The following BMAL1 variants were observed in gnomAD, a reference collection of about 807,000 sequenced individuals.
The protein encoded by BMAL1 is basic helix-loop-helix ARNT like 1.
the BMAL1 span, among the ~76,000 whole-genome samples, chr11:13,352,936 G>T: frequency 6.6e-6 from 1 of 152,214 alleles, no homozygotes; most frequent in Non-Finnish European, 1.5e-5. Flanking sequence ...TGGAGTCAGA[G>T]TCCCTTGCAA....
chr11:13,360,258 C>T, the BMAL1 span: 1 of 1,162,194 alleles, frequency 8.6e-7, no homozygotes. Context: ...GAGACTAGGC[C>T]ACTTACAGAA....
chr11:13,315,789 C>T, the BMAL1 span, among the ~76,000 whole-genome samples: 1 of 152,178 alleles, frequency 6.6e-6, no homozygotes, highest in Non-Finnish European at 1.5e-5. Context: ...GGTGCGCAGC[C>T]TGGAGTTGAC....
At chr11:13,365,158 G>A in the BMAL1 span, among the ~76,000 whole-genome samples, 1 of 152,080 alleles carries the variant, frequency 6.6e-6, no homozygotes, top group African/African-American at 2.4e-5. Context: ...TATTATTAGA[G>A]CAATGAAATA....
At chr11:13,360,933 T>C in the BMAL1 span, among the ~76,000 whole-genome samples, 1 of 152,134 alleles carries the variant, frequency 6.6e-6, no homozygotes, top group African/African-American at 2.4e-5. Flanking sequence ...ATGGCCAACA[T>C]GTTGAAACCC....
the BMAL1 span, among the ~76,000 whole-genome samples, chr11:13,365,083 GTTGGAGAGGGGATTC>G: frequency 0.011 from 1,675 of 152,278 alleles, 36 homozygotes; most frequent in African/African-American, 0.039. Context: ...TGGCTGAGAT[GTTGGAGAGGGGATTC>G]TTGAAGAGTC....
At chr11:13,299,881 G>T in the BMAL1 span, among the ~76,000 whole-genome samples, 1 of 152,198 alleles carries the variant, frequency 6.6e-6, no homozygotes, top group African/African-American at 2.4e-5. Context: ...TCAGAGACTT[G>T]AGGAGAGCTG....
At chr11:13,386,827 A>G in the BMAL1 span, 2 of 1,551,734 alleles carry the variant, frequency 1.3e-6, no homozygotes, top group Non-Finnish European at 1.8e-6. Flanking sequence ...CAGTCTGTGA[A>G]GCTTACTGGA....
chr11:13,347,621 C>G, the BMAL1 span, among the ~76,000 whole-genome samples: 3 of 151,774 alleles, frequency 2.0e-5, no homozygotes, highest in African/African-American at 7.3e-5. Context: ...CCGAGATGGG[C>G]GGATTGCTTG....
At chr11:13,278,643 C>G in the BMAL1 span, among the ~76,000 whole-genome samples, 2 of 152,182 alleles carry the variant, frequency 1.3e-5, no homozygotes, top group African/African-American at 2.4e-5. Context: ...GGGCCTGTGC[C>G]GTCCAGGTCC....
the BMAL1 span, among the ~76,000 whole-genome samples, chr11:13,383,695 CA>C: frequency 1.3e-5 from 2 of 151,460 alleles, no homozygotes; most frequent in South Asian, 4.2e-4. Context: ...CTAAAAAATA[CA>C]AAAAAAATTA....
the BMAL1 span, among the ~76,000 whole-genome samples, chr11:13,292,054 G>T: frequency 6.6e-6 from 1 of 152,180 alleles, no homozygotes; most frequent in Non-Finnish European, 1.5e-5. Flanking sequence ...ACTGCTAAAA[G>T]AAGAGCTCTG....
chr11:13,284,198 G>GTATA, the BMAL1 span, among the ~76,000 whole-genome samples: 6 of 71,842 alleles, frequency 8.4e-5, 1 homozygote, highest in African/African-American at 5.5e-4. Flanking sequence ...ATATATGTGT[G>GTATA]TATATATATA....
chr11:13,349,974 G>T, the BMAL1 span: 4 of 152,178 alleles, frequency 2.6e-5, no homozygotes, highest in African/African-American at 9.7e-5. Flanking sequence ...CGCCTGAAAA[G>T]AAATTATAAA....
chr11:13,355,738 G>A, the BMAL1 span, among the ~76,000 whole-genome samples: 12 of 152,180 alleles, frequency 7.9e-5, no homozygotes, highest in African/African-American at 2.2e-4. Flanking sequence ...TGCGGCCTGC[G>A]TGATCTCTGA....
the BMAL1 span, among the ~76,000 whole-genome samples, chr11:13,327,677 G>A: frequency 1.3e-5 from 2 of 152,140 alleles, no homozygotes; most frequent in Non-Finnish European, 2.9e-5. Context: ...TACCATCATC[G>A]TGTTTACTGT....
the BMAL1 span, among the ~76,000 whole-genome samples, chr11:13,374,671 A>T: frequency 6.6e-6 from 1 of 152,130 alleles, no homozygotes; most frequent in Non-Finnish European, 1.5e-5. Flanking sequence ...CACCTCTGCC[A>T]TCACCCTGGT....
At chr11:13,369,786 A>G in the BMAL1 span, 2 of 1,602,864 alleles carry the variant, frequency 1.2e-6, no homozygotes, top group South Asian at 2.2e-5. Flanking sequence ...TTAACAGTCC[A>G]TTAAAACCCT....
the BMAL1 span, chr11:13,354,198 C>A: frequency 1.4e-6 from 1 of 697,430 alleles, no homozygotes; most frequent in African/African-American, 1.9e-5. Flanking sequence ...TCTCCCCCCC[C>A]GGCCCCCCAC....
the BMAL1 span, among the ~76,000 whole-genome samples, chr11:13,324,340 C>T: frequency 1.3e-5 from 2 of 152,044 alleles, no homozygotes; most frequent in Non-Finnish European, 2.9e-5. Flanking sequence ...TGGTCTCATC[C>T]CTTGGCACTC....
Sources: gnomAD v4.1 joint callset for allele counts (sites outside exome capture counted in the v4.1 genomes callset) on GRCh38, gnomAD v4.1.1 for gene constraint, MANE v1.5 for transcripts, NCBI Gene and HGNC (gene_info 2026-07-23, HGNC 2026-07-21) for gene names.